HIBADH: variants seen among roughly 807,000 people sequenced by gnomAD.
The protein encoded by HIBADH is 3-hydroxyisobutyrate dehydrogenase, mitochondrial.
A neutral mutation model predicts 36.1 loss-of-function variants in HIBADH; 25 were observed. That is an observed-to-expected ratio of 0.69 (90% confidence interval 0.50 to 0.97). The LOEUF is 0.97. Among genes scored for constraint, HIBADH ranks in the 50% least tolerant of loss-of-function variants. The pLI is 0.00. For missense variants in HIBADH, 421 were observed against 418.0 expected (o/e 1.01, Z -0.06); for synonymous variants, 160 against 149.5 (o/e 1.07, Z -0.51).
At chr7:27,613,156 AAT>A (rs1425490175) in intron 4 of HIBADH, among the ~76,000 whole-genome samples, 40 of 9,464 alleles carry the variant, frequency 4.2e-3, no homozygotes, top group Non-Finnish European at 5.8e-3. Context: ...ATTTTATATA[AAT>A]ATATATATTT....
At chr7:27,578,678 G>A (rs971656352) in intron 4 of HIBADH, among the ~76,000 whole-genome samples, 1 of 152,096 alleles carries the variant, frequency 6.6e-6, no homozygotes, top group South Asian at 2.1e-4. Context: ...GCGCATATTG[G>A]ACACTGATTT....
At chr7:27,645,700 C>T (rs548458891) in intron 2 of HIBADH, among the ~76,000 whole-genome samples, 4 of 152,158 alleles carry the variant, frequency 2.6e-5, no homozygotes, top group Admixed American at 6.5e-5. Flanking sequence ...TATGTTTCTA[C>T]GATGCCTAAT....
intron 4 of HIBADH, among the ~76,000 whole-genome samples, chr7:27,565,048 A>G (rs1372867017): frequency 1.3e-5 from 2 of 152,154 alleles, no homozygotes; most frequent in African/African-American, 4.8e-5. Flanking sequence ...CGTGCCTTTC[A>G]TATGCAAACC....
intron 4 of HIBADH, among the ~76,000 whole-genome samples, chr7:27,559,000 GA>G (rs2128186527): frequency 6.6e-6 from 1 of 152,308 alleles, no homozygotes; most frequent in South Asian, 2.1e-4. Flanking sequence ...CTGGAGGCTA[GA>G]AGTCTCAGAT....
intron 4 of HIBADH, among the ~76,000 whole-genome samples, chr7:27,613,831 G>A (rs570127816): frequency 2.0e-4 from 31 of 151,846 alleles, no homozygotes; most frequent in African/African-American, 7.0e-4. Flanking sequence ...GCTAATTTTC[G>A]TATTTTTTGG....
At chr7:27,537,081 A>G (rs1784080360) in intron 6 of HIBADH, among the ~76,000 whole-genome samples, 1 of 152,176 alleles carries the variant, frequency 6.6e-6, no homozygotes, top group Non-Finnish European at 1.5e-5. Context: ...CAGTTTTTCA[A>G]TTATGATAAG....
chr7:27,637,158 G>A (rs1339961351), intron 2 of HIBADH, among the ~76,000 whole-genome samples: 1 of 152,170 alleles, frequency 6.6e-6, no homozygotes, highest in Non-Finnish European at 1.5e-5. Context: ...CTATGTGCCA[G>A]GTTCTTTTGG....
At chr7:27,651,726 C>G (rs1786199440) in intron 1 of HIBADH, among the ~76,000 whole-genome samples, 1 of 152,160 alleles carries the variant, frequency 6.6e-6, no homozygotes, top group Non-Finnish European at 1.5e-5. Flanking sequence ...AAGCAACTAT[C>G]ACATGTACCA....
chr7:27,540,429 C>T (rs1011131149), intron 5 of HIBADH, among the ~76,000 whole-genome samples: 4 of 152,180 alleles, frequency 2.6e-5, no homozygotes, highest in African/African-American at 9.7e-5. Flanking sequence ...AGCCTTCATA[C>T]ACTCCCCACC....
chr7:27,587,136 T>A (rs998474419), intron 4 of HIBADH, among the ~76,000 whole-genome samples: 2 of 152,152 alleles, frequency 1.3e-5, no homozygotes, highest in African/African-American at 4.8e-5. Context: ...AGAACCGATC[T>A]CACACTGACA....
chr7:27,570,554 G>A (rs969298287), intron 4 of HIBADH, among the ~76,000 whole-genome samples: 5 of 152,092 alleles, frequency 3.3e-5, no homozygotes, highest in Non-Finnish European at 5.9e-5. Context: ...CTACAAAAAA[G>A]CATGCGGGGA....
At chr7:27,533,019 ATACTT>A (rs1314048110) in intron 6 of HIBADH, among the ~76,000 whole-genome samples, 3 of 152,220 alleles carry the variant, frequency 2.0e-5, no homozygotes, top group Admixed American at 1.3e-4. Context: ...TAAGGAGAAA[ATACTT>A]TTAAAGACTC....
At position 27,651,292 on chromosome 7, in the gene HIBADH, C is replaced by G. The variant is rs143230275; in HGVS notation, c.92-1659G>C. On this transcript the variant is annotated intron_variant, in intron 1 of 7. Coordinates refer to ENST00000265395, the MANE Select transcript of HIBADH (RefSeq NM_152740.4). The stretch of plus-strand genomic sequence containing the variant: ...ACTTAATGACTGACTCTAACACTTC[C>G]ATTAAATGTGGGTGTCATTTCTGTG... Among the ~76,000 whole-genome samples the G allele has an allele frequency of 3.2e-3, 489 of 152,314 alleles. 2 individuals carry two copies. The highest frequency in any genetic ancestry group is 9.4e-3 in the African/African-American group (391 of 41,560).
chr7:27,542,823 A>T, intron 5 of HIBADH, 144 bp downstream of exon 5: 2 of 962,566 alleles, frequency 2.1e-6, no homozygotes, highest in Non-Finnish European at 3.0e-6. Flanking sequence ...ATGCAAAACT[A>T]ATTTATTCCA....
intron 4 of HIBADH, among the ~76,000 whole-genome samples, chr7:27,555,339 C>G (rs1477733545): frequency 7.1e-6 from 1 of 141,828 alleles, no homozygotes; most frequent in Non-Finnish European, 1.5e-5. Context: ...AAGACTAAGC[C>G]AAATACATAA....
chr7:27,600,917 C>A (rs1785120570), intron 4 of HIBADH, among the ~76,000 whole-genome samples: 1 of 152,156 alleles, frequency 6.6e-6, no homozygotes, highest in Non-Finnish European at 1.5e-5. Context: ...ACTTACCAGA[C>A]TACTGAATTC....
chr7:27,536,671 T>A (rs1784076174), intron 6 of HIBADH, among the ~76,000 whole-genome samples: 1 of 152,140 alleles, frequency 6.6e-6, no homozygotes, highest in African/African-American at 2.4e-5. Flanking sequence ...GCAGTAGAAC[T>A]TCCACAAGCA....
intron 2 of HIBADH, among the ~76,000 whole-genome samples, chr7:27,641,529 T>C (rs1162782830): frequency 6.6e-6 from 1 of 152,190 alleles, no homozygotes; most frequent in Non-Finnish European, 1.5e-5. Flanking sequence ...TACTTTTCCA[T>C]CTCATCCCAA....
chr7:27,600,808 G>C (rs1161736793), intron 4 of HIBADH, among the ~76,000 whole-genome samples: 1 of 151,928 alleles, frequency 6.6e-6, no homozygotes, highest in Non-Finnish European at 1.5e-5. Context: ...TTTTACTTTT[G>C]AACACACCAA....
Sources: gnomAD v4.1 joint callset for allele counts (sites outside exome capture counted in the v4.1 genomes callset) on GRCh38, gnomAD v4.1.1 for gene constraint, MANE v1.5 for transcripts, NCBI Gene and HGNC (gene_info 2026-07-23, HGNC 2026-07-21) for gene names.